WWP2: variants seen among roughly 807,000 people sequenced by gnomAD.
The protein encoded by WWP2 is NEDD4-like E3 ubiquitin-protein ligase WWP2.
Under a neutral mutation model 121.0 loss-of-function variants are expected in WWP2, and 57 were observed. The ratio of observed to expected loss-of-function variants is 0.47; its 90% confidence interval spans 0.38 to 0.59. The LOEUF is 0.59. Among genes scored for constraint, WWP2 ranks in the 20% least tolerant of loss-of-function variants. The pLI is 0.00. For missense variants in WWP2, 962 were observed against 1,158.9 expected (o/e 0.83, Z 2.47); for synonymous variants, 449 against 441.3 (o/e 1.02, Z -0.22).
intron 6 of WWP2, among the ~76,000 whole-genome samples, chr16:69,869,008 C>A (rs146237446): frequency 1.9e-3 from 285 of 152,286 alleles, no homozygotes; most frequent in Non-Finnish European, 3.1e-3. Context: ...CCTGCCTCAG[C>A]CTCTGAAGTA....
At chr16:69,849,644 C>T (rs1013708938) in intron 6 of WWP2, among the ~76,000 whole-genome samples, 5 of 152,050 alleles carry the variant, frequency 3.3e-5, no homozygotes, top group African/African-American at 9.7e-5. Flanking sequence ...CCAAGCCAGA[C>T]GTTGAAAAGT....
intron 8 of WWP2, 67 bp downstream of exon 8, chr16:69,888,316 G>A: frequency 6.6e-7 from 1 of 1,508,942 alleles, no homozygotes; most frequent in Non-Finnish European, 8.9e-7. Flanking sequence ...TACGGGGGTG[G>A]AAACAACGTG....
Position 69,926,375 on chromosome 16 carries a change from A to G in WWP2, c.1234+891A>G, listed in dbSNP as rs142195316. Among the ~76,000 whole-genome samples, 737 of 152,208 alleles carry G rather than the reference A, an allele frequency of 4.8e-3. 4 individuals carry two copies. The highest frequency in any genetic ancestry group is 0.016 in the African/African-American group (681 of 41,538). ...TTGGTTAGGCCAGCAGAAGACGGTA[A>G]ACGTTGGTTTGGTGGTGTTGACAGA... On this transcript the variant is annotated intron_variant, in intron 11 of 23. Transcript: ENST00000359154.
intron 4 of WWP2, among the ~76,000 whole-genome samples, chr16:69,806,492 A>G (rs1310349791): frequency 6.6e-6 from 1 of 152,216 alleles, no homozygotes; most frequent in Non-Finnish European, 1.5e-5. Flanking sequence ...TATCTGTTCC[A>G]TGAGTGCAGC....
chr16:69,887,532 A>G (rs1203206882), intron 7 of WWP2, among the ~76,000 whole-genome samples: 3 of 152,022 alleles, frequency 2.0e-5, no homozygotes, highest in African/African-American at 7.2e-5. Context: ...CAGCCTCCCA[A>G]CTAGCTGGGA....
In WWP2 at chr16:69,936,233, T is replaced by A. The variant is rs1427513955; in HGVS notation, c.1977-79T>A. On this transcript the variant is annotated intron_variant, in intron 18 of 23. Coordinates refer to ENST00000359154, the MANE Select transcript of WWP2 (RefSeq NM_001270454.2). Reference sequence around the variant, plus strand: ...CTAGGCCACCTGTGGGCCCTTGGTGTCCCACGGGCAACAGAGCAGGATCCA... The same window carrying A: ...CTAGGCCACCTGTGGGCCCTTGGTGACCCACGGGCAACAGAGCAGGATCCA... The A allele has an allele frequency of 3.2e-6, 5 of 1,582,404 alleles. No homozygotes were observed. In the African/African-American group the frequency reaches 5.4e-5, roughly 17 times the overall value.
At chr16:69,890,065 C>T (rs956763489) in intron 8 of WWP2, among the ~76,000 whole-genome samples, 11 of 151,870 alleles carry the variant, frequency 7.2e-5, no homozygotes, top group Admixed American at 7.2e-4. Flanking sequence ...AGCGATTCTT[C>T]CACCTCAGCT....
chr16:69,864,868 TC>T (rs1425358704), intron 6 of WWP2, among the ~76,000 whole-genome samples: 1 of 152,072 alleles, frequency 6.6e-6, no homozygotes, highest in African/African-American at 2.4e-5. Flanking sequence ...TGCCTCGGCC[TC>T]CCAAAGTGTT....
At chr16:69,923,626 GA>G (rs1039536265) in intron 10 of WWP2, among the ~76,000 whole-genome samples, 13 of 152,156 alleles carry the variant, frequency 8.5e-5, no homozygotes, top group Non-Finnish European at 1.9e-4. Context: ...CTTTACAGAT[GA>G]TCTACTGACT....
Position 69,838,768 on chromosome 16 carries a change from C to CCCT in WWP2, c.341-1356_341-1354dup. 3 of 985,416 alleles carry CCCT rather than the reference C, an allele frequency of 3.0e-6. No homozygotes were observed. The South Asian group carries it at 1.4e-4, about 46-fold the overall frequency. The allele number at this position is 985,416 out of a possible 1,614,324, so 61.0% of individuals were successfully genotyped here. ...TAGAAACGTTTAGTACTCACCAAGG[C>CCCT]CCTCAGTGGAACTGGCTGAAAATAG... On this transcript the variant is annotated intron_variant, in intron 4 of 23. Coordinates refer to ENST00000359154, the MANE Select transcript of WWP2 (RefSeq NM_001270454.2).
At chr16:69,814,986 A>T (rs948975948) in intron 4 of WWP2, among the ~76,000 whole-genome samples, 9 of 151,976 alleles carry the variant, frequency 5.9e-5, no homozygotes, top group African/African-American at 1.4e-4. Flanking sequence ...TTAGTTTTTT[A>T]AAAATATTTA....
intron 4 of WWP2, among the ~76,000 whole-genome samples, chr16:69,829,858 C>T (rs2056763398): frequency 6.6e-6 from 1 of 152,162 alleles, no homozygotes; most frequent in African/African-American, 2.4e-5. Context: ...ATAGTGGGCA[C>T]CCAGCAAATG....
intron 1 of WWP2, among the ~76,000 whole-genome samples, chr16:69,777,747 A>G (rs2055566688): frequency 1.3e-5 from 2 of 151,404 alleles, no homozygotes; most frequent in Admixed American, 6.6e-5. Flanking sequence ...TGTTGTTTGT[A>G]TTTATATTAT....
chr16:69,801,436 A>G (rs1012195957), intron 4 of WWP2, among the ~76,000 whole-genome samples: 12 of 151,884 alleles, frequency 7.9e-5, no homozygotes, highest in Admixed American at 2.6e-4. Flanking sequence ...AGGTCTCACT[A>G]TGTTGCCAGG....
At chr16:69,916,189 T>C (rs1367593757) in intron 9 of WWP2, among the ~76,000 whole-genome samples, 1 of 150,672 alleles carries the variant, frequency 6.6e-6, no homozygotes, top group Non-Finnish European at 1.5e-5. Flanking sequence ...AATGGAAGTG[T>C]TGTTGTTGTT....
intron 6 of WWP2, 52 bp from the exon 7 acceptor site, chr16:69,871,752 T>C (rs1408757856): frequency 6.2e-7 from 1 of 1,606,686 alleles, no homozygotes. Flanking sequence ...GAAACACTTC[T>C]GTCCTTTTCA....
intron 8 of WWP2, among the ~76,000 whole-genome samples, chr16:69,896,233 TGCCTCA>T (rs1307885470): frequency 1.3e-5 from 2 of 152,206 alleles, no homozygotes; most frequent in African/African-American, 4.8e-5. Context: ...GCAGTTCTCC[TGCCTCA>T]GCCTCCCAAG....
rs74029725 is a variant in WWP2 at position 69,871,664 on chromosome 16, T to G, written c.576-140T>G. 14,841 of 1,250,314 alleles carry G rather than the reference T, an allele frequency of 0.012. 751 individuals carry two copies. The African/African-American group carries it at 0.14, about 12-fold the overall frequency. The allele number at this position is 1,250,314 out of a possible 1,614,324, so 77.5% of individuals were successfully genotyped here. On this transcript the variant is annotated intron_variant, in intron 6 of 23. Coordinates refer to ENST00000359154, the MANE Select transcript of WWP2 (RefSeq NM_001270454.2). ...TCTCTGCTTGGAACCAGCTTCTGTT[T>G]AGTCCAAAACTAGAGGGGCTATTAA... is the stretch of plus-strand genomic sequence containing the variant.
intron 1 of WWP2, among the ~76,000 whole-genome samples, chr16:69,783,364 G>A (rs2055706235): frequency 6.6e-6 from 1 of 151,938 alleles, no homozygotes; most frequent in Non-Finnish European, 1.5e-5. Context: ...TTTTAAAGCT[G>A]AACAACTCTT....
Sources: gnomAD v4.1 joint callset for allele counts (sites outside exome capture counted in the v4.1 genomes callset) on GRCh38, gnomAD v4.1.1 for gene constraint, MANE v1.5 for transcripts, NCBI Gene and HGNC (gene_info 2026-07-23, HGNC 2026-07-21) for gene names.